CACNA1I: variants seen among roughly 807,000 people sequenced by gnomAD.
CACNA1I encodes voltage-dependent T-type calcium channel subunit alpha-1I.
CACNA1I carries 74 observed loss-of-function variants against 201.6 expected under a neutral mutation model. The observed-to-expected ratio is 0.37, with a 90% CI of 0.30 to 0.45. CACNA1I has a LOEUF of 0.45. Ranked by LOEUF, CACNA1I falls within the 20% of genes least tolerant of loss-of-function variation. The pLI is 1.00. For synonymous variants in CACNA1I, 1,431 were observed against 1,345.2 expected, an observed-to-expected ratio of 1.06 and a Z score of -1.40; for missense variants, 2,346 against 3,138.1, an observed-to-expected ratio of 0.75 and a Z score of 6.03.
In CACNA1I at chr22:39,661,300, A is replaced by G. The variant is rs980420812; in HGVS notation, c.2891A>G (p.Gln964Arg). Residue 964 changes from glutamine to arginine, a missense_variant, in exon 16 of 37, where the codon CAG becomes CGG. Around this residue, in one of 13 missense-constraint regions of CACNA1I, gnomAD observed 288 missense variants for 255.2 expected, o/e 1.13. Transcript: ENST00000402142. ...VMSLGRMSYD[Q>R]RSLSSSRSSY... ...TCTCTAGGGAGGATGAGCTATGACCAGCGCTCCCTGGTGAGTCCTTGTGGG... is the reference window on the plus strand; with the variant it reads ...TCTCTAGGGAGGATGAGCTATGACCGGCGCTCCCTGGTGAGTCCTTGTGGG... The G allele has an allele frequency of 1.9e-6, 3 of 1,573,154 alleles. No individual in the cohort carries two copies. Among genetic ancestry groups the G allele is most frequent in the Non-Finnish European group, 1.7e-6 (2 of 1,158,988 alleles).
In CACNA1I at chr22:39,661,994, A is replaced by G. The variant is rs1209565526; in HGVS notation, c.2931A>G (p.Pro977=). Residue 977 remains proline (P), a synonymous_variant, in exon 17 of 37, where the codon CCA becomes CCG. Coordinates refer to ENST00000402142, the MANE Select transcript of CACNA1I (RefSeq NM_021096.4). The stretch of plus-strand genomic sequence containing the variant: ...GCTCCCGGAGCTCCTACTACGGGCC[A>G]TGGGGCCGCAGCGCGGCCTGGGCCA... The part of the protein sequence containing the change: ...LSSSRSSYYG[P]WGRSAAWASR... 3.2e-6 allele frequency: 5 copies of G among 1,562,292 alleles called. No homozygotes were observed. The highest frequency in any genetic ancestry group is 4.3e-6 in the Non-Finnish European group (5 of 1,159,040).
At chr22:39,674,754 A>T (rs1349963136) in intron 29 of CACNA1I, among the ~76,000 whole-genome samples, 3 of 152,084 alleles carry the variant, frequency 2.0e-5, no homozygotes, top group Non-Finnish European at 4.4e-5. Flanking sequence ...ACATTTATTC[A>T]TTATGACTCA....
At chr22:39,653,459 T>C (rs907960479) in intron 10 of CACNA1I, among the ~76,000 whole-genome samples, 2 of 152,170 alleles carry the variant, frequency 1.3e-5, no homozygotes, top group Admixed American at 1.3e-4. Flanking sequence ...CCCATGTTTA[T>C]TTTGAGCAGC....
In CACNA1I at chr22:39,631,278, C is replaced by T. The variant is rs779231081; in HGVS notation, c.581-3287C>T. 3.3e-4 allele frequency among the ~76,000 whole-genome samples: 51 copies of T among 152,240 alleles called. 1 individual carries two copies. The Middle Eastern group carries it at 0.01, about 31-fold the overall frequency. On this transcript the variant is annotated intron_variant, in intron 4 of 36. Coordinates refer to ENST00000402142, the MANE Select transcript of CACNA1I (RefSeq NM_021096.4). The stretch of plus-strand genomic sequence containing the variant: ...CTGGGTCTGTGCTCTGGGCGCTCAC[C>T]GGGCTGGGGGCTGCATCAGGTGTCC...
At position 39,636,672 on chromosome 22, in the gene CACNA1I, C is replaced by T. The variant is rs184531000; in HGVS notation, c.740+1948C>T. The stretch of plus-strand genomic sequence containing the variant: ...AGCAGAGAAGTTGGTAACCAGGGTT[C>T]ACAAAGAGGCAGCAAGATCTCTTCT... On this transcript the variant is annotated intron_variant, in intron 5 of 36. Coordinates refer to ENST00000402142, the MANE Select transcript of CACNA1I (RefSeq NM_021096.4). Among the ~76,000 whole-genome samples the T allele has an allele frequency of 2.6e-5, 4 of 152,300 alleles. No individual in the cohort carries two copies. In the East Asian group the frequency reaches 7.7e-4, roughly 29 times the overall value.
chr22:39,614,819 G>A (rs1933484773), intron 3 of CACNA1I, among the ~76,000 whole-genome samples: 1 of 152,170 alleles, frequency 6.6e-6, no homozygotes, highest in African/African-American at 2.4e-5. Context: ...CTGACCACAC[G>A]GGAGCCCCTC....
chr22:39,616,476 C>G (rs1933539254), intron 3 of CACNA1I, among the ~76,000 whole-genome samples: 1 of 152,142 alleles, frequency 6.6e-6, no homozygotes, highest in African/African-American at 2.4e-5. Flanking sequence ...AGAAAACACT[C>G]TTTGTCGGCT....
Position 39,686,155 on chromosome 22 carries a change from C to G in CACNA1I, c.6422C>G (p.Pro2141Arg). The G allele has an allele frequency of 7.8e-7, 1 of 1,280,512 alleles. No individual in the cohort carries two copies. The highest frequency in any genetic ancestry group is 9.9e-7 in the Non-Finnish European group (1 of 1,014,804). The allele number at this position is 1,280,512 out of a possible 1,614,324, so 79.3% of individuals were successfully genotyped here. ...ACCTCCCTCTTCTGCCCGCCGCCCC[C>G]GCCGCCAGCCCCCGGCCTCACGCCC... ...SLTSLFCPPP[P>R]PPAPGLTPAR... Residue 2141 changes from proline (P) to arginine (R), a missense_variant, in exon 37 of 37, where the codon CCG (proline) becomes CGG (arginine). Transcript: ENST00000402142.
chr22:39,678,383 C>T (rs1052543688), intron 31 of CACNA1I, among the ~76,000 whole-genome samples: 39 of 152,206 alleles, frequency 2.6e-4, no homozygotes, highest in African/African-American at 9.4e-4. Flanking sequence ...CCGGAGGGGA[C>T]CTGGGGCCCA....
intron 20 of CACNA1I, 61 bp from the exon 21 acceptor site, chr22:39,664,678 G>GCC: frequency 1.4e-6 from 1 of 712,234 alleles, no homozygotes; most frequent in Admixed American, 2.2e-5. Context: ...AGCCCGGTTG[G>GCC]CCCCGCCCAC....
chr22:39,660,959 A>G, intron 15 of CACNA1I, 149 bp from the exon 16 acceptor site: 1 of 682,828 alleles, frequency 1.5e-6, no homozygotes, highest in East Asian at 2.7e-5. Context: ...GATGGGGTGC[A>G]ACCAGGAAGA....
intron 27 of CACNA1I, 141 bp from the exon 28 acceptor site, chr22:39,672,808 C>A: frequency 2.5e-6 from 2 of 808,414 alleles, no homozygotes; most frequent in Non-Finnish European, 3.8e-6. Flanking sequence ...TTAGGAGGGG[C>A]TAGTAAGGGA....
At chr22:39,635,507 C>T (rs934429926) in intron 5 of CACNA1I, among the ~76,000 whole-genome samples, 10 of 152,194 alleles carry the variant, frequency 6.6e-5, no homozygotes, top group Non-Finnish European at 7.3e-5. Context: ...CCCTCCCGGC[C>T]TGGTTGGGGA....
chr22:39,684,396 C>T lies in CACNA1I; in HGVS notation c.5925C>T (p.Gly1975=). The change falls in exon 36 of 37, where the codon GGC becomes GGT. Residue 1975 remains glycine (G), a synonymous_variant. Transcript: ENST00000402142. This position sits in a 1 kb window ranked among gnomAD's most constrained non-coding sequence, Gnocchi z 4.6. The stretch of plus-strand genomic sequence containing the variant: ...CTGCAGTGTCTGCCAGCCAGAAAGG[C>T]CCAGAAAAGGGCACTGGCACTGGAA... The part of the protein sequence containing the change: ...FHPAVSASQK[G]PEKGTGTGTL... The T allele has an allele frequency of 9.3e-6, 15 of 1,613,694 alleles. No homozygotes were observed. Among genetic ancestry groups the T allele is most frequent in the Non-Finnish European group, 1.3e-5 (15 of 1,179,858 alleles).
Position 39,668,978 on chromosome 22 carries a change from G to A in CACNA1I, c.4194+597G>A, listed in dbSNP as rs1278452478. 2.0e-5 allele frequency among the ~76,000 whole-genome samples: 3 copies of A among 152,124 alleles called. No individual in the cohort carries two copies. In the East Asian group the frequency reaches 5.8e-4, roughly 29 times the overall value. On this transcript the variant is annotated intron_variant, in intron 24 of 36. Transcript: ENST00000402142. ...GGGCTGCTGGGTGAAGATGGATTTG[G>A]GGAGGGGGATTGGGTGGAGGAAGTC...
chr22:39,651,383 C>T (rs552162539), intron 10 of CACNA1I, among the ~76,000 whole-genome samples: 7 of 152,302 alleles, frequency 4.6e-5, no homozygotes, highest in Admixed American at 2.6e-4. Context: ...ATGGGGCTCC[C>T]GGGGCTGCCA....
At chr22:39,595,943 G>A (rs770183993) in intron 1 of CACNA1I, among the ~76,000 whole-genome samples, 3 of 151,258 alleles carry the variant, frequency 2.0e-5, no homozygotes, top group Non-Finnish European at 4.4e-5. Flanking sequence ...TGAAGAGGGC[G>A]TGCGGCAGCT....
At chr22:39,616,281 G>C (rs1933534614) in intron 3 of CACNA1I, among the ~76,000 whole-genome samples, 1 of 152,170 alleles carries the variant, frequency 6.6e-6, no homozygotes, top group African/African-American at 2.4e-5. Context: ...CTGTAGCCGA[G>C]AGCACACGTG....
intron 31 of CACNA1I, among the ~76,000 whole-genome samples, chr22:39,678,652 G>C (rs1935587966): frequency 6.6e-6 from 1 of 152,210 alleles, no homozygotes; most frequent in South Asian, 2.1e-4. Context: ...GGTGCTGGGA[G>C]AGGCGGCCAA....
Sources: gnomAD v4.1 joint callset for allele counts (sites outside exome capture counted in the v4.1 genomes callset) on GRCh38, gnomAD v4.1.1 for gene constraint, gnomAD v4.1.1 regional missense constraint, Gnocchi (gnomAD v3.1) non-coding constraint, MANE v1.5 for transcripts, NCBI Gene and HGNC (gene_info 2026-07-23, HGNC 2026-07-21) for gene names.